ZNF442: variants seen among roughly 807,000 people sequenced by gnomAD.
ZNF442 encodes zinc finger protein 442.
In ZNF442, 45 loss-of-function variants were observed where a neutral mutation model predicts 57.0. That is an observed-to-expected ratio of 0.79 (90% CI 0.62 to 1.01). ZNF442 has a LOEUF of 1.01. ZNF442 is among the 50% of genes least tolerant of loss of function. The probability of loss-of-function intolerance (pLI) is 0.00; values close to 1 mark genes in which losing one functional copy is unlikely to be tolerated. For missense variants in ZNF442, 690 were observed against 756.5 expected (o/e 0.91, Z 1.03); for synonymous variants, 213 against 241.8 (o/e 0.88, Z 1.10).
At chr19:12,353,175 C>G (rs1969273299) in intron 3 of ZNF442, 61 bp from the exon 4 acceptor site, 1 of 1,519,486 alleles carries the variant, frequency 6.6e-7, no homozygotes, top group Admixed American at 2.2e-5. Flanking sequence ...AAAATTTACA[C>G]CCACTTCATA....
chr19:12,366,196 T>C (rs1487490789), upstream of ZNF442, among the ~76,000 whole-genome samples: 1 of 151,890 alleles, frequency 6.6e-6, no homozygotes, highest in Admixed American at 6.6e-5. Context: ...TAAAAACACA[T>C]CAACAATGAA....
In ZNF442 at chr19:12,353,088, C is replaced by T. The variant is rs10405079; in HGVS notation, c.105G>A (p.Ala35=). 77 of 1,613,192 alleles carry T rather than the reference C, an allele frequency of 4.8e-5. No homozygotes were observed. In the African/African-American group the frequency reaches 5.1e-4, roughly 11 times the overall value. ...QYDSVAFEDV[A]VNFTQEEWAL... ...CCCACTCTTCCTGGGTGAAGTTCAC[C>T]GCCACATCCTCAAAGGCTACTGAAT... The change falls in exon 4 of 6, where the codon GCG becomes GCA. Residue 35 remains alanine (A), a synonymous_variant. Transcript: ENST00000242804.
intron 2 of ZNF442, among the ~76,000 whole-genome samples, chr19:12,364,407 C>CAAAA (rs35227073): frequency 2.6e-4 from 24 of 93,134 alleles, no homozygotes; most frequent in African/African-American, 8.8e-4. Context: ...AACTCCATCT[C>CAAAA]AAAAAAAAAA....
intron 4 of ZNF442, 72 bp from the exon 5 acceptor site, chr19:12,352,142 C>A: frequency 7.0e-7 from 1 of 1,425,344 alleles, no homozygotes; most frequent in Non-Finnish European, 9.7e-7. Flanking sequence ...ATTTTATGTA[C>A]AATGGAATCA....
intron 3 of ZNF442, among the ~76,000 whole-genome samples, chr19:12,353,328 A>G (rs1969275460): frequency 6.6e-6 from 1 of 152,254 alleles, no homozygotes; most frequent in East Asian, 1.9e-4. Context: ...TCAAATAGGA[A>G]CAAGTCTCTT....
At chr19:12,363,447 C>T (rs1441166500) in intron 3 of ZNF442, 107 bp downstream of exon 3, 4 of 1,098,072 alleles carry the variant, frequency 3.6e-6, no homozygotes, top group Non-Finnish European at 5.5e-6. Context: ...TGACCACCCA[C>T]CACCACCCCA....
chr19:12,356,498 G>C (rs1969331540), intron 3 of ZNF442, among the ~76,000 whole-genome samples: 1 of 151,942 alleles, frequency 6.6e-6, no homozygotes, highest in African/African-American at 2.4e-5. Flanking sequence ...ATGGTGGCGG[G>C]TGCCTGTAAT....
intron 2 of ZNF442, among the ~76,000 whole-genome samples, chr19:12,364,418 A>G (rs1484901875): frequency 1.1e-4 from 16 of 151,846 alleles, no homozygotes; most frequent in Middle Eastern, 3.4e-3. Context: ...AAAAAAAAAA[A>G]AAAGAAAGAA....
upstream of ZNF442, among the ~76,000 whole-genome samples, chr19:12,367,469 G>T (rs1159032934): frequency 6.6e-6 from 1 of 152,126 alleles, no homozygotes; most frequent in African/African-American, 2.4e-5. Flanking sequence ...CAGGAAACAG[G>T]GTTCGAGAGC....
chr19:12,351,803 G>A (rs906805765), intron 5 of ZNF442: 28 of 483,898 alleles, frequency 5.8e-5, no homozygotes, highest in Non-Finnish European at 9.0e-5. Context: ...GTGCCCAGCC[G>A]AATTCTTAAT....
intron 3 of ZNF442, among the ~76,000 whole-genome samples, chr19:12,356,714 G>C (rs1969335983): frequency 6.6e-6 from 1 of 151,736 alleles, no homozygotes; most frequent in Non-Finnish European, 1.5e-5. Context: ...TTACTTCACA[G>C]AAGATGAAAG....
Position 12,347,903 on chromosome 19 carries a change from C to G in ZNF442, c.*1798G>C, listed in dbSNP as rs1462525711. On this transcript the variant is annotated 3_prime_UTR_variant, in exon 6 of 6. Transcript: ENST00000242804. ...AGAGAGCATAAATACTAACAAGGAA[C>G]TCGAAGATATACTGAAATTCTCTGC... 1 of 152,148 alleles carries G rather than the reference C, an allele frequency of 6.6e-6. No homozygotes were observed. Among genetic ancestry groups the G allele is most frequent in the Non-Finnish European group, 1.5e-5 (1 of 68,048 alleles). The allele number at this position is 152,148 out of a possible 1,614,324, so 9.4% of individuals were successfully genotyped here.
chr19:12,368,057 G>A (rs1422940390), upstream of ZNF442, among the ~76,000 whole-genome samples: 1 of 152,168 alleles, frequency 6.6e-6, no homozygotes, highest in Non-Finnish European at 1.5e-5. Context: ...TCTGCAAGAA[G>A]AAAAATATGG....
upstream of ZNF442, among the ~76,000 whole-genome samples, chr19:12,367,513 G>C (rs1160868567): frequency 2.0e-5 from 3 of 152,206 alleles, no homozygotes; most frequent in East Asian, 5.8e-4. Flanking sequence ...TACCAGGCTG[G>C]AACTTCCCAA....
intron 3 of ZNF442, among the ~76,000 whole-genome samples, chr19:12,359,623 C>T (rs1969390210): frequency 6.6e-6 from 1 of 152,080 alleles, no homozygotes; most frequent in Non-Finnish European, 1.5e-5. Context: ...CAGCACAAAA[C>T]CCCTCCTTCA....
intron 3 of ZNF442, among the ~76,000 whole-genome samples, chr19:12,356,002 C>T (rs1189821886): frequency 6.6e-6 from 1 of 150,722 alleles, no homozygotes; most frequent in Admixed American, 6.6e-5. Flanking sequence ...CCCTGTCTCC[C>T]CTCAACCTCC....
At chr19:12,351,365 CTT>C in intron 5 of ZNF442, 47 bp from the exon 6 acceptor site, 1 of 1,522,488 alleles carries the variant, frequency 6.6e-7, no homozygotes, top group African/African-American at 1.4e-5. Flanking sequence ...TTATAAATGA[CTT>C]TATGTTTATT....
chr19:12,351,090 G>A lies in ZNF442; in HGVS notation c.495C>T (p.His165=). 1 of 1,614,160 alleles carries A rather than the reference G, an allele frequency of 6.2e-7. No homozygotes were observed. The highest frequency in any genetic ancestry group is 1.1e-5 in the South Asian group (1 of 91,078). The change falls in exon 6 of 6, where the codon CAC becomes CAT. Residue 165 remains histidine, a synonymous_variant. Transcript: ENST00000242804. The part of the protein sequence containing the change: ...HKQCGTAFNY[H]HSFQTQERPH... ...GTCTTTCCTGTGTTTGAAAGGAGTG[G>A]TGATAATTGAAGGCTGTCCCACATT...
chr19:12,370,509 T>C (rs1599598274), upstream of ZNF442, among the ~76,000 whole-genome samples: 1 of 152,086 alleles, frequency 6.6e-6, no homozygotes, highest in African/African-American at 2.4e-5. Context: ...ATCCCTGATC[T>C]AAAGGCAACA....
Sources: gnomAD v4.1 joint callset for allele counts (sites outside exome capture counted in the v4.1 genomes callset) on GRCh38, gnomAD v4.1.1 for gene constraint, MANE v1.5 for transcripts, NCBI Gene and HGNC (gene_info 2026-07-23, HGNC 2026-07-21) for gene names.